PODXL: variants seen among roughly 807,000 people sequenced by gnomAD.
The protein encoded by PODXL is podocalyxin.
In PODXL, 20 loss-of-function variants were observed where a neutral mutation model predicts 48.9. That is an observed-to-expected ratio of 0.41 (90% CI 0.29 to 0.59). PODXL has a LOEUF of 0.59. Ranked by LOEUF, PODXL falls within the 20% of genes least tolerant of loss-of-function variation. The probability of loss-of-function intolerance (pLI) is 0.31; values close to 1 mark genes in which losing one functional copy is unlikely to be tolerated. For missense variants in PODXL, 606 were observed against 675.1 expected, an observed-to-expected ratio of 0.90 and a Z score of 1.13; for synonymous variants, 295 against 287.4, an observed-to-expected ratio of 1.03 and a Z score of -0.27.
intron 1 of PODXL, among the ~76,000 whole-genome samples, chr7:131,523,457 C>G (rs555053481): frequency 1.3e-5 from 2 of 151,914 alleles, no homozygotes; most frequent in African/African-American, 4.8e-5. Flanking sequence ...GTGAGGCGGG[C>G]AGATCACGAG....
At position 131,534,024 on chromosome 7, in the gene PODXL, G is replaced by A. The variant is rs747938368; in HGVS notation, c.100+22236C>T. Among the ~76,000 whole-genome samples the A allele has an allele frequency of 6.9e-4, 100 of 143,994 alleles. 2 individuals are homozygous for A. The highest frequency in any genetic ancestry group is 2.0e-4 in the Non-Finnish European group (13 of 64,806). The allele number at this position is 143,994 out of a possible 152,430, so 94.5% of individuals were successfully genotyped here. On this transcript the variant is annotated intron_variant, in intron 1 of 8. Coordinates refer to ENST00000378555, the MANE Select transcript of PODXL (RefSeq NM_001018111.3). The stretch of plus-strand genomic sequence containing the variant: ...TGGCAGCTATAATTATATTCCTGCT[G>A]AGCTGTGCAGGGGGGAAGGAAAGGC...
chr7:131,540,038 C>T (rs995527055), intron 1 of PODXL, among the ~76,000 whole-genome samples: 4 of 151,976 alleles, frequency 2.6e-5, no homozygotes, highest in Non-Finnish European at 5.9e-5. Context: ...ACCTTTAGTA[C>T]CTTTTAATTT....
At chr7:131,545,687 G>A (rs766135574) in intron 1 of PODXL, among the ~76,000 whole-genome samples, 1 of 152,228 alleles carries the variant, frequency 6.6e-6, no homozygotes, top group Non-Finnish European at 1.5e-5. Flanking sequence ...TACGTTTGGG[G>A]AATGATGGGT....
intron 5 of PODXL, 68 bp from the exon 6 acceptor site, chr7:131,506,794 C>G: frequency 6.6e-7 from 1 of 1,505,570 alleles, no homozygotes; most frequent in South Asian, 1.2e-5. Context: ...TGGGGCTGCC[C>G]TCCCAGCTAA....
chr7:131,521,598 G>T (rs1798093419), intron 1 of PODXL, among the ~76,000 whole-genome samples: 1 of 152,196 alleles, frequency 6.6e-6, no homozygotes, highest in South Asian at 2.1e-4. Context: ...TTCCCAAAGT[G>T]CTGGGATTAC....
In PODXL at chr7:131,517,586, G is replaced by C. The variant is rs549288464; in HGVS notation, c.101-6153C>G. Among the ~76,000 whole-genome samples, 195 of 152,182 alleles carry C rather than the reference G, an allele frequency of 1.3e-3. 1 individual carries two copies. The highest frequency in any genetic ancestry group is 4.4e-3 in the African/African-American group (184 of 41,502). On this transcript the variant is annotated intron_variant, in intron 1 of 8. Transcript: ENST00000378555. ...ATAAATATATTCTCTCGTGGTTCTG[G>C]AGGCTAGACGTCCAAAATTGGCAGG...
intron 1 of PODXL, chr7:131,520,196 G>T: frequency 3.1e-6 from 1 of 324,122 alleles, no homozygotes; most frequent in Non-Finnish European, 6.1e-6. Flanking sequence ...ACGAGGTGGT[G>T]ACCCGAGAAT....
intron 1 of PODXL, chr7:131,520,191 G>T (rs1163712951): frequency 1.3e-5 from 4 of 315,330 alleles, no homozygotes; most frequent in Middle Eastern, 9.3e-4. Flanking sequence ...CATCAACGAG[G>T]TGGTGACCCG....
intron 1 of PODXL, among the ~76,000 whole-genome samples, chr7:131,553,407 C>T (rs1798696142): frequency 6.6e-6 from 1 of 152,180 alleles, no homozygotes; most frequent in Non-Finnish European, 1.5e-5. Context: ...CCACTGATAC[C>T]CACAAACATT....
chr7:131,538,332 C>T (rs1017439738), intron 1 of PODXL, among the ~76,000 whole-genome samples: 3 of 152,274 alleles, frequency 2.0e-5, no homozygotes, highest in African/African-American at 7.2e-5. Context: ...AAGTGCTCTG[C>T]GGGGAGCCAG....
intron 1 of PODXL, among the ~76,000 whole-genome samples, chr7:131,519,385 C>T (rs2116809987): frequency 6.6e-6 from 1 of 152,236 alleles, no homozygotes; most frequent in Non-Finnish European, 1.5e-5. Context: ...TTTCCATTGT[C>T]CTCCTTTAAG....
intron 1 of PODXL, among the ~76,000 whole-genome samples, chr7:131,537,759 TCTGA>T (rs1798402042): frequency 6.6e-6 from 1 of 152,156 alleles, no homozygotes; most frequent in East Asian, 1.9e-4. Context: ...CCGCTATTAT[TCTGA>T]CTGAGAAGAT....
rs1798749477 is a variant in PODXL at position 131,556,429 on chromosome 7, A to C, written c.-70T>G. 1 of 1,312,400 alleles carries C rather than the reference A, an allele frequency of 7.6e-7. No homozygotes were observed. Among genetic ancestry groups the C allele is most frequent in the Admixed American group, 4.0e-5 (1 of 25,092 alleles). The allele number at this position is 1,312,400 out of a possible 1,614,324, so 81.3% of individuals were successfully genotyped here. On this transcript the variant is annotated 5_prime_UTR_variant, in exon 1 of 9. Coordinates refer to ENST00000378555, the MANE Select transcript of PODXL (RefSeq NM_001018111.3). ...CGGAGGATCCGCGCGTCCGGGCGGT[A>C]GGAGCGTGGGCGCCGCCCGGGGAGG...
intron 5 of PODXL, among the ~76,000 whole-genome samples, chr7:131,508,489 TCAAG>T (rs1477784112): frequency 1.3e-5 from 2 of 152,154 alleles, no homozygotes; most frequent in Non-Finnish European, 2.9e-5. Context: ...ACTTCTGGCC[TCAAG>T]CAAACTTCCT....
Position 131,509,417 on chromosome 7 carries a change from G to A in PODXL, c.971C>T (p.Thr324Ile), listed in dbSNP as rs1202020077. Residue 324 changes from threonine (T) to isoleucine (I), a missense_variant, in exon 4 of 9, where the codon ACC becomes ATC. By Grantham distance (89) the Thr-to-Ile change is moderately conservative (BLOSUM62 -1). Transcript: ENST00000378555. ...MSSSPTAAST[T>I]HRYPKTPSPT... is the part of the protein sequence containing the mutation. ...AGAAGGTGTTTTGGGGTATCGGTGGGTAGTTGATGCTGCTGTGGGGCTGGA... is the reference window on the plus strand; with the variant it reads ...AGAAGGTGTTTTGGGGTATCGGTGGATAGTTGATGCTGCTGTGGGGCTGGA... 6.2e-7 allele frequency: 1 copy of A among 1,614,090 alleles called. No homozygotes were observed. The highest frequency in any genetic ancestry group is 1.1e-5 in the South Asian group (1 of 91,072).
rs1267279476 is a variant in PODXL, at chr7:131,533,899, TC to T, written c.100+22360del. Among the ~76,000 whole-genome samples the T allele has an allele frequency of 2.6e-5, 4 of 152,290 alleles. No homozygotes were observed. The East Asian group carries it at 7.7e-4, about 29-fold the overall frequency. On this transcript the variant is annotated intron_variant, in intron 1 of 8. Transcript: ENST00000378555. ...AATGTCTGAATGCTGTTCCTCAGTT[TC>T]CCCATCTGTCAAAATTGGAGAGCAG... is the stretch of plus-strand genomic sequence containing the variant.
chr7:131,523,116 A>C (rs1214636099), intron 1 of PODXL, among the ~76,000 whole-genome samples: 1 of 152,218 alleles, frequency 6.6e-6, no homozygotes, highest in African/African-American at 2.4e-5. Flanking sequence ...CTATTTTCCA[A>C]AGTGGCTACC....
At chr7:131,518,353 G>C (rs1798035639) in intron 1 of PODXL, among the ~76,000 whole-genome samples, 2 of 152,174 alleles carry the variant, frequency 1.3e-5, no homozygotes, top group Admixed American at 6.5e-5. Flanking sequence ...TAAAATACTT[G>C]AGGTGGCTAA....
intron 1 of PODXL, among the ~76,000 whole-genome samples, chr7:131,549,989 A>C (rs1798643699): frequency 6.6e-6 from 1 of 152,240 alleles, no homozygotes. Context: ...CCAGCGATTC[A>C]GGGCAGGGCC....
Sources: allele counts gnomAD v4.1 joint callset (sites outside exome capture counted in the v4.1 genomes callset), GRCh38; gene constraint gnomAD v4.1.1; transcripts MANE v1.5; gene names NCBI Gene and HGNC (gene_info 2026-07-23, HGNC 2026-07-21).